S100A8: variants seen among roughly 807,000 people sequenced by gnomAD.
The protein encoded by S100A8 is S100 calcium binding protein A8.
S100A8 carries 1 observed loss-of-function variant against 4.2 expected under a neutral mutation model. The ratio of observed to expected loss-of-function variants is 0.24; its 90% CI spans 0.08 to 1.12. S100A8 has a LOEUF of 1.12. Among genes scored for constraint, S100A8 ranks in the 50% most tolerant of loss-of-function variants. The probability of loss-of-function intolerance (pLI) is 0.53; values close to 1 mark genes in which losing one functional copy is unlikely to be tolerated. For missense variants in S100A8, 96 were observed against 111.8 expected, an observed-to-expected ratio of 0.86 and a Z score of 0.64; for synonymous variants, 41 against 44.7, an observed-to-expected ratio of 0.92 and a Z score of 0.33.
chr1:153,390,261 G>A lies in S100A8; in HGVS notation c.142-18C>T, dbSNP rs775461109. 1 of 1,605,794 alleles carries A rather than the reference G, an allele frequency of 6.2e-7. No individual in the cohort carries two copies. The highest frequency in any genetic ancestry group is 1.3e-5 in the African/African-American group (1 of 74,434). ...CCCTTTTTCTGTCAAGATTGAGGAG[G>A]AAGAAGCCAGAGTTTAAAGATCTCA... On this transcript the variant is annotated intron_variant, in intron 2 of 2. Coordinates refer to ENST00000368733, the MANE Select transcript of S100A8 (RefSeq NM_002964.5).
At chr1:153,415,672 G>T in the S100A8 span, among the ~76,000 whole-genome samples, 1 of 134,474 alleles carries the variant, frequency 7.4e-6, no homozygotes, top group Admixed American at 8.3e-5. Flanking sequence ...GGGCAGGAAA[G>T]AACTTTTCCC....
At chr1:153,393,801 G>A (rs1662155706), upstream of S100A8, among the ~76,000 whole-genome samples, 1 of 152,194 alleles carries the variant, frequency 6.6e-6, no homozygotes, top group Admixed American at 6.5e-5. Flanking sequence ...CAGCAACCTA[G>A]TGATGTGGAC....
At chr1:153,395,841 T>C (rs567725648), upstream of S100A8, among the ~76,000 whole-genome samples, 7 of 152,380 alleles carry the variant, frequency 4.6e-5, no homozygotes, top group South Asian at 1.4e-3. Flanking sequence ...GATTTTCTAC[T>C]GTTGTTCCCT....
chr1:153,390,781 C>T (rs934176582), intron 1 of S100A8: 23 of 595,620 alleles, frequency 3.9e-5, no homozygotes, highest in South Asian at 7.3e-5. Flanking sequence ...TGCACACACA[C>T]GGGGCCCGTA....
the S100A8 span, among the ~76,000 whole-genome samples, chr1:153,404,621 A>G: frequency 3.2e-4 from 49 of 152,178 alleles, no homozygotes; most frequent in African/African-American, 1.1e-3. Flanking sequence ...TTAACCCACC[A>G]TTACTAAAAA....
chr1:153,391,227 T>G (rs559387152), upstream of S100A8: 2 of 985,064 alleles, frequency 2.0e-6, no homozygotes, highest in African/African-American at 3.5e-5. Context: ...AGAATGAAAA[T>G]TTTGGGTGGG....
the S100A8 span, among the ~76,000 whole-genome samples, chr1:153,408,326 T>G: frequency 2.0e-5 from 3 of 152,248 alleles, no homozygotes; most frequent in East Asian, 5.8e-4. Flanking sequence ...ACTACATGAC[T>G]CATGCACAAG....
the S100A8 span, among the ~76,000 whole-genome samples, chr1:153,410,206 A>C: frequency 6.6e-6 from 1 of 152,194 alleles, no homozygotes; most frequent in African/African-American, 2.4e-5. Context: ...TTTTTTGAAA[A>C]GATTAACAAA....
At chr1:153,421,145 C>G in the S100A8 span, 1 of 152,180 alleles carries the variant, frequency 6.6e-6, no homozygotes, top group Admixed American at 6.5e-5. Context: ...GTCTCAATAC[C>G]AATCTTTTAA....
the S100A8 span, among the ~76,000 whole-genome samples, chr1:153,401,180 C>A: frequency 6.6e-6 from 1 of 152,162 alleles, no homozygotes; most frequent in Non-Finnish European, 1.5e-5. Context: ...GAGTACATAG[C>A]GATCATCTGT....
the S100A8 span, among the ~76,000 whole-genome samples, chr1:153,399,485 C>T: frequency 6.6e-6 from 1 of 152,144 alleles, no homozygotes; most frequent in Non-Finnish European, 1.5e-5. Context: ...ACTACATCTC[C>T]CTGGGGTGTC....
chr1:153,422,477 TA>T, the S100A8 span: 3 of 977,040 alleles, frequency 3.1e-6, no homozygotes, highest in Non-Finnish European at 3.6e-6. Context: ...ATATTGGTAC[TA>T]AAGAGAAAGA....
the S100A8 span, among the ~76,000 whole-genome samples, chr1:153,409,750 G>A: frequency 2.6e-5 from 4 of 152,162 alleles, no homozygotes; most frequent in Admixed American, 6.5e-5. Flanking sequence ...CTCAGCAAAT[G>A]TAAAAGAACA....
At chr1:153,420,571 TCCACAC>T in the S100A8 span, 1 of 152,274 alleles carries the variant, frequency 6.6e-6, no homozygotes, top group African/African-American at 2.4e-5. Context: ...ACTGCTCCAC[TCCACAC>T]TCACACCTCT....
the S100A8 span, chr1:153,420,126 G>T: frequency 6.6e-6 from 1 of 152,252 alleles, no homozygotes; most frequent in Non-Finnish European, 1.5e-5. Flanking sequence ...CGGAAATTCT[G>T]TAAGGACTGA....
chr1:153,417,935 T>TA, the S100A8 span: 958,561 of 1,109,992 alleles, frequency 0.86, 416,489 homozygotes, highest in East Asian at 0.97. Context: ...CCATCACATT[T>TA]AAAAAAATCA....
chr1:153,400,865 A>G, the S100A8 span, among the ~76,000 whole-genome samples: 1 of 152,220 alleles, frequency 6.6e-6, no homozygotes, highest in Admixed American at 6.5e-5. Flanking sequence ...ACAAAAATAA[A>G]AGCAAAACCT....
chr1:153,417,867 G>A, the S100A8 span: 2 of 587,638 alleles, frequency 3.4e-6, no homozygotes, highest in Non-Finnish European at 5.8e-6. Context: ...CTTGGCCCTG[G>A]CCAGGATGGG....
At chr1:153,419,297 G>C in the S100A8 span, 2 of 1,614,092 alleles carry the variant, frequency 1.2e-6, no homozygotes, top group Admixed American at 1.7e-5. Context: ...CCTGTTCTGG[G>C]GGAAGCCAGT....
Sources: gnomAD v4.1 joint callset for allele counts (sites outside exome capture counted in the v4.1 genomes callset) on GRCh38, gnomAD v4.1.1 for gene constraint, MANE v1.5 for transcripts, NCBI Gene and HGNC (gene_info 2026-07-23, HGNC 2026-07-21) for gene names.